The following GPATCH2 variants were observed in gnomAD, a reference collection of about 807,000 sequenced individuals.
The protein encoded by GPATCH2 is G-patch domain containing 2.
A neutral mutation model predicts 58.0 loss-of-function variants in GPATCH2; 51 were observed. The ratio of observed to expected loss-of-function variants is 0.88; its 90% confidence interval spans 0.70 to 1.11. The LOEUF is 1.11. GPATCH2 is among the 50% of genes most tolerant of loss of function. The probability of loss-of-function intolerance (pLI) is 0.00; values close to 1 mark genes in which losing one functional copy is unlikely to be tolerated. For synonymous variants in GPATCH2, 222 were observed against 218.5 expected (o/e 1.02, Z -0.14); for missense variants, 625 against 652.2 (o/e 0.96, Z 0.45).
At chr1:217,452,215 T>A (rs867935144) in intron 8 of GPATCH2, among the ~76,000 whole-genome samples, 31 of 152,188 alleles carry the variant, frequency 2.0e-4, no homozygotes, top group Admixed American at 3.3e-4. Context: ...GTTCAGACAC[T>A]CACTTCCTCA....
In GPATCH2 at chr1:217,610,939, T is replaced by G; in HGVS notation, c.968A>C (p.Glu323Ala). Residue 323 changes from glutamate (E) to alanine (A), a missense_variant, in exon 4 of 10, where the codon GAA (glutamate) becomes GCA (alanine). Glu to Ala is a moderately radical substitution (Grantham distance 107, BLOSUM62 -1). Coordinates refer to ENST00000366935, the MANE Select transcript of GPATCH2 (RefSeq NM_018040.5). ...LDKNVPDPVF[E>A]SILTGSFPLM... is the part of the protein sequence containing the mutation. Reference sequence around the variant, plus strand: ...GGGAAAAGAACCAGTTAAGATACTTTCAAAGACAGGATCTGGTACATTTTT... The same window carrying G: ...GGGAAAAGAACCAGTTAAGATACTTGCAAAGACAGGATCTGGTACATTTTT... 1 of 1,613,680 alleles carries G rather than the reference T, an allele frequency of 6.2e-7. No individual in the cohort carries two copies. Among genetic ancestry groups the G allele is most frequent in the Non-Finnish European group, 8.5e-7 (1 of 1,179,836 alleles).
chr1:217,601,408 T>TA (rs1397028395), intron 5 of GPATCH2, among the ~76,000 whole-genome samples: 2 of 149,902 alleles, frequency 1.3e-5, no homozygotes, highest in African/African-American at 2.5e-5. Flanking sequence ...CTGTCTCAAT[T>TA]AAAAAAATAA....
At chr1:217,579,236 A>G (rs1313969124) in intron 5 of GPATCH2, among the ~76,000 whole-genome samples, 1 of 152,176 alleles carries the variant, frequency 6.6e-6, no homozygotes, top group African/African-American at 2.4e-5. Flanking sequence ...AATACTTAAA[A>G]TACATTGCTT....
intron 8 of GPATCH2, among the ~76,000 whole-genome samples, chr1:217,461,182 A>G (rs573641947): frequency 6.6e-6 from 1 of 152,344 alleles, no homozygotes; most frequent in East Asian, 1.9e-4. Context: ...TTTGAAATAT[A>G]TAAGAAGTTA....
intron 5 of GPATCH2, among the ~76,000 whole-genome samples, chr1:217,591,793 A>C (rs911196806): frequency 2.0e-5 from 3 of 152,070 alleles, no homozygotes; most frequent in Non-Finnish European, 4.4e-5. Flanking sequence ...AGGCATAAGC[A>C]TTTTAGTTTA....
At chr1:217,541,815 G>C (rs771897033) in intron 5 of GPATCH2, among the ~76,000 whole-genome samples, 3 of 152,232 alleles carry the variant, frequency 2.0e-5, no homozygotes, top group Non-Finnish European at 2.9e-5. Flanking sequence ...TAATCTGATA[G>C]GCAAGTTAAC....
At chr1:217,524,029 C>T (rs995774182) in intron 5 of GPATCH2, among the ~76,000 whole-genome samples, 1 of 143,754 alleles carries the variant, frequency 7.0e-6, no homozygotes, top group Non-Finnish European at 1.5e-5. Context: ...GGCGGCCAGG[C>T]AGAGGTGCCC....
chr1:217,524,495 G>T (rs1173465601), intron 5 of GPATCH2, among the ~76,000 whole-genome samples: 1 of 151,926 alleles, frequency 6.6e-6, no homozygotes, highest in Non-Finnish European at 1.5e-5. Context: ...GGCTCTTTAG[G>T]AGGCCAAGGC....
At chr1:217,478,867 C>A (rs1241680653) in intron 8 of GPATCH2, among the ~76,000 whole-genome samples, 1 of 151,820 alleles carries the variant, frequency 6.6e-6, no homozygotes, top group African/African-American at 2.4e-5. Flanking sequence ...ATAAAGAAAC[C>A]TAAAAGCAGC....
At chr1:217,568,285 T>G (rs534327275) in intron 5 of GPATCH2, among the ~76,000 whole-genome samples, 1 of 152,234 alleles carries the variant, frequency 6.6e-6, no homozygotes, top group African/African-American at 2.4e-5. Context: ...AACGCAGGAT[T>G]AAAAGCTGAA....
chr1:217,546,754 T>C (rs1249246865), intron 5 of GPATCH2, among the ~76,000 whole-genome samples: 3 of 152,028 alleles, frequency 2.0e-5, no homozygotes, highest in African/African-American at 7.2e-5. Flanking sequence ...ACAAATGGGA[T>C]CTAACTAAAG....
intron 5 of GPATCH2, among the ~76,000 whole-genome samples, chr1:217,557,409 C>CAAA (rs772777496): frequency 4.8e-5 from 3 of 62,188 alleles, no homozygotes; most frequent in Non-Finnish European, 1.0e-4. Flanking sequence ...AACCCCATCT[C>CAAA]AAAAAAAAAA....
At chr1:217,434,850 G>T (rs746276605) in intron 9 of GPATCH2, among the ~76,000 whole-genome samples, 5 of 152,000 alleles carry the variant, frequency 3.3e-5, no homozygotes, top group African/African-American at 9.7e-5. Context: ...AGATGGAAAA[G>T]AACTCATTCT....
intron 5 of GPATCH2, among the ~76,000 whole-genome samples, chr1:217,530,207 A>G (rs1571869520): frequency 6.6e-6 from 1 of 152,322 alleles, no homozygotes; most frequent in Admixed American, 6.5e-5. Context: ...CCTCCAGTAT[A>G]AAGTAGTTCT....
chr1:217,515,100 A>AT (rs776832847), intron 5 of GPATCH2, among the ~76,000 whole-genome samples: 2,435 of 143,774 alleles, frequency 0.017, 44 homozygotes, highest in African/African-American at 0.042. Context: ...CCTCTGCTAG[A>AT]TTTTTTTTTT....
intron 5 of GPATCH2, among the ~76,000 whole-genome samples, chr1:217,545,705 A>G (rs1219731689): frequency 2.0e-5 from 3 of 152,228 alleles, no homozygotes; most frequent in Non-Finnish European, 4.4e-5. Context: ...CAAAAGAACA[A>G]GCCAGGGAAT....
At chr1:217,457,669 C>A (rs1174890169) in intron 8 of GPATCH2, among the ~76,000 whole-genome samples, 1 of 152,120 alleles carries the variant, frequency 6.6e-6, no homozygotes, top group African/African-American at 2.4e-5. Context: ...TGCCATTATG[C>A]TACAATAAAG....
Position 217,431,232 on chromosome 1 carries a change from C to A in GPATCH2, c.1500G>T (p.Met500Ile), listed in dbSNP as rs372815262. ...GKGISEPIQA[M>I]QRPKGLGLGF... ...CAAGTCCTAATCCCTTTGGCCTCTG[C>A]ATGGCTTGAATTGGCTCAGAGATCC... The change falls in exon 10 of 10, where the codon ATG becomes ATT. Residue 500 changes from methionine (M) to isoleucine (I), a missense_variant. Transcript: ENST00000366935. 5.3e-5 allele frequency: 85 copies of A among 1,611,342 alleles called. No individual in the cohort carries two copies. In the African/African-American group the frequency reaches 1.0e-3, roughly 20 times the overall value.
At chr1:217,587,643 T>C (rs528998895) in intron 5 of GPATCH2, among the ~76,000 whole-genome samples, 3 of 152,244 alleles carry the variant, frequency 2.0e-5, no homozygotes, top group Admixed American at 2.0e-4. Context: ...AGGTCACTGT[T>C]AGAGTTTGAG....
Sources: allele counts gnomAD v4.1 joint callset (sites outside exome capture counted in the v4.1 genomes callset), GRCh38; gene constraint gnomAD v4.1.1; transcripts MANE v1.5; gene names NCBI Gene and HGNC (gene_info 2026-07-23, HGNC 2026-07-21).